The following NRXN3 variants were observed in gnomAD, a reference collection of about 807,000 sequenced individuals.
NRXN3 encodes the protein neurexin 3.
A neutral mutation model predicts 137.6 loss-of-function variants in NRXN3; 32 were observed. The ratio of observed to expected loss-of-function variants is 0.23; its 90% CI spans 0.18 to 0.31. The LOEUF (loss-of-function observed/expected upper bound fraction) is 0.31. NRXN3 is among the 10% of genes least tolerant of loss of function. NRXN3 has a pLI of 1.00. For synonymous variants in NRXN3, 798 were observed against 784.5 expected, an observed-to-expected ratio of 1.02 and a Z score of -0.29; for missense variants, 1,574 against 2,062.5, an observed-to-expected ratio of 0.76 and a Z score of 4.59.
chr14:78,873,961 G>GATTTT (rs2099107469), intron 10 of NRXN3, among the ~76,000 whole-genome samples: 1 of 149,194 alleles, frequency 6.7e-6, no homozygotes, highest in African/African-American at 2.5e-5. Context: ...CATGTGAAGT[G>GATTTT]ATTTTCTTTT....
intron 15 of NRXN3, among the ~76,000 whole-genome samples, chr14:79,150,532 T>C (rs924030857): frequency 2.6e-5 from 4 of 151,932 alleles, no homozygotes; most frequent in Admixed American, 1.3e-4. Flanking sequence ...CCTTGCATTC[T>C]AACCCAAGCC....
chr14:79,829,807 C>T (rs554334916), intron 20 of NRXN3, among the ~76,000 whole-genome samples: 7 of 149,314 alleles, frequency 4.7e-5, no homozygotes, highest in African/African-American at 1.4e-4. Context: ...CCACTGAATC[C>T]AATGACTTTT....
chr14:79,133,658 G>C (rs894397927), intron 15 of NRXN3, among the ~76,000 whole-genome samples: 25 of 152,294 alleles, frequency 1.6e-4, no homozygotes, highest in African/African-American at 5.5e-4. Flanking sequence ...CAGCACGGTG[G>C]CTCATGCCTG....
At chr14:79,289,221 C>T (rs547585708) in intron 15 of NRXN3, among the ~76,000 whole-genome samples, 8 of 152,294 alleles carry the variant, frequency 5.3e-5, no homozygotes, top group African/African-American at 1.9e-4. Flanking sequence ...TCTTAAATTA[C>T]AAACTTGTTC....
intron 15 of NRXN3, among the ~76,000 whole-genome samples, chr14:79,224,913 C>A (rs1025799949): frequency 3.9e-5 from 6 of 152,118 alleles, no homozygotes; most frequent in African/African-American, 1.2e-4. Flanking sequence ...CAGACTGTGA[C>A]CCCCAAAACA....
At chr14:78,419,751 G>A (rs2093340374) in intron 4 of NRXN3, among the ~76,000 whole-genome samples, 1 of 152,176 alleles carries the variant, frequency 6.6e-6, no homozygotes, top group Non-Finnish European at 1.5e-5. Flanking sequence ...AATAGTTCTA[G>A]AGACTGGGTG....
chr14:78,536,478 A>G (rs1045992549), intron 4 of NRXN3, among the ~76,000 whole-genome samples: 13 of 152,248 alleles, frequency 8.5e-5, no homozygotes, highest in African/African-American at 2.9e-4. Context: ...GTGAATTATC[A>G]TAAGTAGATC....
At chr14:79,546,687 A>G (rs1380105243) in intron 16 of NRXN3, among the ~76,000 whole-genome samples, 1 of 152,202 alleles carries the variant, frequency 6.6e-6, no homozygotes, top group East Asian at 1.9e-4. Context: ...CCCAACTGCT[A>G]GCGCAAGTGG....
chr14:79,648,088 C>A (rs2098459992), intron 16 of NRXN3, among the ~76,000 whole-genome samples: 1 of 134,678 alleles, frequency 7.4e-6, no homozygotes, highest in Non-Finnish European at 1.7e-5. Context: ...TTTCTTGAAT[C>A]CTGTGGCCTT....
intron 15 of NRXN3, among the ~76,000 whole-genome samples, chr14:79,112,156 C>CTACACATAACTAT (rs1348360470): frequency 6.6e-6 from 1 of 152,136 alleles, no homozygotes; most frequent in Non-Finnish European, 1.5e-5. Flanking sequence ...TTCTTTCTTC[C>CTACACATAACTAT]TACACATAAC....
intron 4 of NRXN3, among the ~76,000 whole-genome samples, chr14:78,371,755 C>T (rs543830987): frequency 1.7e-4 from 26 of 152,326 alleles, no homozygotes; most frequent in Admixed American, 3.3e-4. Context: ...AGTGGCGAGA[C>T]GGGCCAAGAG....
chr14:79,157,964 A>T lies in NRXN3; in HGVS notation c.3262+169823A>T, dbSNP rs111795119. ...TATTGTTTTTTTCTGAAATGCCGCT[A>T]TGCAGTCAGGGATGAGAAGGGGATT... On this transcript the variant is annotated intron_variant, in intron 15 of 20. Coordinates refer to ENST00000335750, the MANE Select transcript of NRXN3 (RefSeq NM_001330195.2). Among the ~76,000 whole-genome samples the T allele has an allele frequency of 1.7e-3, 258 of 151,902 alleles. 1 individual carries two copies. The highest frequency in any genetic ancestry group is 5.6e-3 in the African/African-American group (233 of 41,510).
At chr14:78,706,648 G>T (rs987805389) in intron 6 of NRXN3, among the ~76,000 whole-genome samples, 3 of 152,086 alleles carry the variant, frequency 2.0e-5, no homozygotes, top group Non-Finnish European at 2.9e-5. Context: ...ATCTCAAATG[G>T]GTGTTGTCTG....
chr14:78,316,027 C>T lies in NRXN3; in HGVS notation c.757+18167C>T, dbSNP rs78984864. On this transcript the variant is annotated intron_variant, in intron 4 of 20. Transcript: ENST00000335750. ...TTTTCTCTTGTAGCTAGAGGTTGGC[C>T]CATTGTACTATTGGAATGGATGTCA... Among the ~76,000 whole-genome samples, 1,378 of 152,186 alleles carry T rather than the reference C, an allele frequency of 9.1e-3. 20 individuals carry two copies. The highest frequency in any genetic ancestry group is 0.026 in the African/African-American group (1,099 of 41,502).
intron 15 of NRXN3, among the ~76,000 whole-genome samples, chr14:79,226,806 CT>C (rs1394293008): frequency 5.1e-5 from 6 of 117,586 alleles, no homozygotes; most frequent in Admixed American, 1.3e-4. Context: ...TTTTTTCATC[CT>C]TTTTTTCTTT....
At chr14:78,897,183 T>G (rs1021983410) in intron 10 of NRXN3, among the ~76,000 whole-genome samples, 1 of 151,900 alleles carries the variant, frequency 6.6e-6, no homozygotes, top group African/African-American at 2.4e-5. Context: ...ATAAAGTGTT[T>G]CATAAAGTGT....
At chr14:79,812,649 T>C (rs898577647) in intron 20 of NRXN3, among the ~76,000 whole-genome samples, 3 of 152,056 alleles carry the variant, frequency 2.0e-5, no homozygotes, top group African/African-American at 7.2e-5. Flanking sequence ...TTCAGTAAAG[T>C]AAAAAAGCAA....
intron 10 of NRXN3, among the ~76,000 whole-genome samples, chr14:78,813,939 G>A (rs1319500985): frequency 2.6e-5 from 4 of 152,098 alleles, no homozygotes; most frequent in Non-Finnish European, 5.9e-5. Context: ...AAGAAGAAAA[G>A]CAATTTTCTA....
At chr14:78,961,122 C>G (rs942451282) in intron 11 of NRXN3, among the ~76,000 whole-genome samples, 6 of 151,108 alleles carry the variant, frequency 4.0e-5, no homozygotes, top group African/African-American at 1.5e-4. Context: ...GGATTTGGGA[C>G]CAGTAGAGCT....
Sources: gnomAD v4.1 joint callset for allele counts (sites outside exome capture counted in the v4.1 genomes callset) on GRCh38, gnomAD v4.1.1 for gene constraint, MANE v1.5 for transcripts, NCBI Gene and HGNC (gene_info 2026-07-23, HGNC 2026-07-21) for gene names.